FMO2: variants seen among roughly 807,000 people sequenced by gnomAD.
FMO2 encodes the protein flavin-containing monooxygenase 2.
A neutral mutation model predicts 41.6 loss-of-function variants in FMO2; 33 were observed. The ratio of observed to expected loss-of-function variants is 0.79; its 90% CI spans 0.60 to 1.06. FMO2 has a LOEUF of 1.06. Ranked by LOEUF, FMO2 falls within the 50% of genes least tolerant of loss-of-function variation. FMO2 has a pLI of 0.00. For synonymous variants in FMO2, 214 were observed against 219.6 expected, an observed-to-expected ratio of 0.97 and a Z score of 0.23; for missense variants, 619 against 632.9, an observed-to-expected ratio of 0.98 and a Z score of 0.23.
Position 171,205,328 on chromosome 1 carries a change from C to T in FMO2, c.877C>T (p.Leu293Phe). 1 of 1,613,700 alleles carries T rather than the reference C, an allele frequency of 6.2e-7. No homozygotes were observed. Among genetic ancestry groups the T allele is most frequent in the Non-Finnish European group, 8.5e-7 (1 of 1,179,702 alleles). Residue 293 changes from leucine (L) to phenylalanine (F), a missense_variant, in exon 7 of 9, where the codon CTC becomes TTC. Physicochemically the swap from Leu to Phe is conservative, Grantham distance 22 (BLOSUM62 0). Transcript: ENST00000209929. ...AAATGATGATGTCCCAAGTCGTCTACTCTGTGGAGCCATCAAGGTGAAATC... is the reference window on the plus strand; with the variant it reads ...AAATGATGATGTCCCAAGTCGTCTATTCTGTGGAGCCATCAAGGTGAAATC... ...VLNDDVPSRL[L>F]CGAIKVKSTV...
intron 5 of FMO2, among the ~76,000 whole-genome samples, chr1:171,203,515 A>C (rs1460329368): frequency 6.6e-6 from 1 of 152,168 alleles, no homozygotes; most frequent in East Asian, 1.9e-4. Context: ...TATAGAAGAA[A>C]CTTAGGTGAG....
chr1:171,188,030 ATTTT>A (rs67830022), intron 2 of FMO2, among the ~76,000 whole-genome samples: 15,181 of 96,856 alleles, frequency 0.16, 616 homozygotes, highest in African/African-American at 0.21. Flanking sequence ...TTCAGCTGGA[ATTTT>A]TTTTTTTTTT....
intron 2 of FMO2, among the ~76,000 whole-genome samples, chr1:171,187,380 G>A (rs1011700781): frequency 6.6e-6 from 1 of 152,134 alleles, no homozygotes; most frequent in African/African-American, 2.4e-5. Flanking sequence ...TTAGGAGGAT[G>A]GCAAGGTGAT....
chr1:171,207,952 T>C (rs1278837249), intron 8 of FMO2, among the ~76,000 whole-genome samples, 162 bp downstream of exon 8: 1 of 152,192 alleles, frequency 6.6e-6, no homozygotes, highest in Non-Finnish European at 1.5e-5. Flanking sequence ...AAAAGTTGCA[T>C]TTTTATCTTC....
At chr1:171,207,840 A>G (rs1276540562) in intron 8 of FMO2, 50 bp downstream of exon 8, 1 of 1,226,766 alleles carries the variant, frequency 8.2e-7, no homozygotes, top group Non-Finnish European at 1.2e-6. Flanking sequence ...CTCAAAGTAC[A>G]GTGATCTAAC....
intron 2 of FMO2, among the ~76,000 whole-genome samples, chr1:171,192,828 A>G (rs566189743): frequency 1.3e-5 from 2 of 152,108 alleles, no homozygotes; most frequent in East Asian, 3.9e-4. Context: ...TAGCTTGACA[A>G]TGATTGATTT....
At chr1:171,192,622 C>T (rs529607182) in intron 2 of FMO2, among the ~76,000 whole-genome samples, 5 of 151,892 alleles carry the variant, frequency 3.3e-5, no homozygotes, top group Admixed American at 2.0e-4. Context: ...AAAAATTAGC[C>T]GGGCGTGGTG....
chr1:171,197,454 G>T (rs1658350611), intron 4 of FMO2, among the ~76,000 whole-genome samples: 1 of 152,192 alleles, frequency 6.6e-6, no homozygotes, highest in Non-Finnish European at 1.5e-5. Flanking sequence ...AGTTTGCTCA[G>T]GTGATTTTAA....
At chr1:171,190,714 AG>A (rs773615921) in intron 2 of FMO2, among the ~76,000 whole-genome samples, 4 of 149,558 alleles carry the variant, frequency 2.7e-5, no homozygotes, top group Non-Finnish European at 5.9e-5. Flanking sequence ...CTTCATAACT[AG>A]GAAAACTAGG....
At chr1:171,201,502 T>G (rs1571286214) in intron 5 of FMO2, among the ~76,000 whole-genome samples, 1 of 152,132 alleles carries the variant, frequency 6.6e-6, no homozygotes, top group East Asian at 1.9e-4. Context: ...GGAACGGAAC[T>G]AGGCGCATCT....
intron 2 of FMO2, among the ~76,000 whole-genome samples, chr1:171,191,337 G>A (rs1211902087): frequency 6.6e-6 from 1 of 152,110 alleles, no homozygotes; most frequent in Non-Finnish European, 1.5e-5. Flanking sequence ...TGATAGAGAA[G>A]CCAACCACAT....
At chr1:171,196,301 T>C (rs1658310036) in intron 3 of FMO2, among the ~76,000 whole-genome samples, 1 of 152,240 alleles carries the variant, frequency 6.6e-6, no homozygotes, top group Non-Finnish European at 1.5e-5. Flanking sequence ...GAGCAGATGT[T>C]CTTGTAGAAG....
At position 171,205,400 on chromosome 1, in the gene FMO2, A is replaced by G; in HGVS notation, c.949A>G (p.Thr317Ala). The G allele has an allele frequency of 3.7e-6, 6 of 1,613,902 alleles. No homozygotes were observed. Among genetic ancestry groups the G allele is most frequent in the Non-Finnish European group, 5.1e-6 (6 of 1,179,852 alleles). Reference sequence around the variant, plus strand: ...AACTTCTGCCATCTTTGAGGATGGAACAGTGGAGGAGAACATTGATGTCAT... The same window carrying G: ...AACTTCTGCCATCTTTGAGGATGGAGCAGTGGAGGAGAACATTGATGTCAT... The part of the protein sequence containing the change: ...TETSAIFEDG[T>A]VEENIDVIIF... The change falls in exon 7 of 9, where the codon ACA becomes GCA. Residue 317 changes from threonine to alanine, a missense_variant. Thr to Ala is a moderately conservative substitution (Grantham distance 58). Coordinates refer to ENST00000209929, the MANE Select transcript of FMO2 (RefSeq NM_001460.5).
In FMO2 at chr1:171,185,705, C is replaced by G; in HGVS notation, c.-6-3C>G. The stretch of plus-strand genomic sequence containing the variant: ...TAATGTTGATTGATCAACTCCTTGA[C>G]AGGAGCTGATGGCAAAGAAGGTAGC... On this transcript the variant is annotated splice_polypyrimidine_tract_variant and splice_region_variant and intron_variant, in intron 1 of 8. Coordinates refer to ENST00000209929, the MANE Select transcript of FMO2 (RefSeq NM_001460.5). The G allele has an allele frequency of 6.2e-7, 1 of 1,613,468 alleles. No homozygotes were observed. Among genetic ancestry groups the G allele is most frequent in the Non-Finnish European group, 8.5e-7 (1 of 1,179,486 alleles).
rs1184476365 is a variant in FMO2, at chr1:171,199,339, C to G, written c.485-7C>G. On this transcript the variant is annotated splice_polypyrimidine_tract_variant and splice_region_variant and intron_variant, in intron 4 of 8. Coordinates refer to ENST00000209929, the MANE Select transcript of FMO2 (RefSeq NM_001460.5). Reference sequence around the variant, plus strand: ...GCTCACAGACTTCTCTCTTCTTCCCCCTGAAGGTATGGAGAGGTTCAAAGG... The same window carrying G: ...GCTCACAGACTTCTCTCTTCTTCCCGCTGAAGGTATGGAGAGGTTCAAAGG... The G allele has an allele frequency of 6.3e-7, 1 of 1,582,560 alleles. No individual in the cohort carries two copies. The highest frequency in any genetic ancestry group is 1.7e-4 in the Middle Eastern group (1 of 5,912).
chr1:171,209,332 A>G lies in FMO2; in HGVS notation c.*187A>G. ...ATATGTACAAAACCAAAATTTTGTC[A>G]TGAAATTTTGCCTTTCCACGCTTCC... On this transcript the variant is annotated 3_prime_UTR_variant, in exon 9 of 9. Transcript: ENST00000209929. The G allele has an allele frequency of 2.6e-6, 1 of 389,726 alleles. No individual in the cohort carries two copies. The highest frequency in any genetic ancestry group is 2.1e-5 in the African/African-American group (1 of 48,532). 24.1% of individuals were successfully genotyped at this position (389,726 alleles called of 1,614,324 possible).
At chr1:171,189,881 T>G (rs879764455) in intron 2 of FMO2, among the ~76,000 whole-genome samples, 1 of 152,096 alleles carries the variant, frequency 6.6e-6, no homozygotes, top group Admixed American at 6.5e-5. Context: ...GACAAGGAAG[T>G]AAGAAGAGTT....
Position 171,190,935 on chromosome 1 carries a change from C to T in FMO2, c.133-2400C>T, listed in dbSNP as rs28369828. On this transcript the variant is annotated intron_variant, in intron 2 of 8. Coordinates refer to ENST00000209929, the MANE Select transcript of FMO2 (RefSeq NM_001460.5). The stretch of plus-strand genomic sequence containing the variant: ...CTGAGGCAGGTGGATCACCTGAGGT[C>T]GGGAGTTCGAGACCAGCCTGACCAA... Among the ~76,000 whole-genome samples the T allele has an allele frequency of 9.1e-3, 1,392 of 152,194 alleles. 21 individuals carry two copies. The highest frequency in any genetic ancestry group is 0.032 in the African/African-American group (1,342 of 41,508).
At chr1:171,203,109 G>A (rs1658600731) in intron 5 of FMO2, among the ~76,000 whole-genome samples, 1 of 152,090 alleles carries the variant, frequency 6.6e-6, no homozygotes, top group African/African-American at 2.4e-5. Context: ...TTGGGAGGCT[G>A]CGGCAGGAGG....
Sources: allele counts gnomAD v4.1 joint callset (sites outside exome capture counted in the v4.1 genomes callset), GRCh38; gene constraint gnomAD v4.1.1; transcripts MANE v1.5; gene names NCBI Gene and HGNC (gene_info 2026-07-23, HGNC 2026-07-21).